Variants in TNNT2 observed in about 807,000 individuals in gnomAD.
TNNT2 encodes troponin T2, cardiac type.
A neutral mutation model predicts 62.4 loss-of-function variants in TNNT2; 34 were observed. The observed-to-expected ratio is 0.54, with a 90% CI of 0.41 to 0.72. The LOEUF (loss-of-function observed/expected upper bound fraction) is 0.72, where lower values mean the gene tolerates loss of function less well. Ranked by LOEUF, TNNT2 falls within the 30% of genes least tolerant of loss-of-function variation. TNNT2 has a pLI of 0.00. For synonymous variants in TNNT2, 123 were observed against 127.2 expected, an observed-to-expected ratio of 0.97 and a Z score of 0.22; for missense variants, 275 against 381.9, an observed-to-expected ratio of 0.72 and a Z score of 2.33.
rs557730232 is a variant in TNNT2 at position 201,365,384 on chromosome 1, C to G, written c.295-77G>C. The G allele has an allele frequency of 7.8e-5, 105 of 1,343,644 alleles. No homozygotes were observed. The South Asian group carries it at 1.2e-3, about 16-fold the overall frequency. The allele number at this position is 1,343,644 out of a possible 1,614,324, so 83.2% of individuals were successfully genotyped here. On this transcript the variant is annotated intron_variant, in intron 9 of 16. Coordinates refer to ENST00000656932, the MANE Select transcript of TNNT2 (RefSeq NM_001276345.2). ...GAGAGATGGGTGGGCTAGACACCCC[C>G]CAACGCAGTGCAAAAGACCTCTGGC...
At chr1:201,369,386 C>T (rs1452269803) in intron 5 of TNNT2, 3 of 475,038 alleles carry the variant, frequency 6.3e-6, no homozygotes, top group South Asian at 1.5e-5. Flanking sequence ...AGGACTCTGT[C>T]CCCAGACCCC....
At chr1:201,374,498 G>A (rs2102324193) in intron 1 of TNNT2, 1 of 152,354 alleles carries the variant, frequency 6.6e-6, no homozygotes, top group South Asian at 2.1e-4. Flanking sequence ...AAAGGGGAAG[G>A]CATTAGGCAA....
At chr1:201,371,421 G>T (rs531287185) in intron 4 of TNNT2, among the ~76,000 whole-genome samples, 1 of 152,284 alleles carries the variant, frequency 6.6e-6, no homozygotes, top group Admixed American at 6.5e-5. Context: ...GAGATAAGAC[G>T]TCTCAGATCA....
At chr1:201,373,328 G>C in intron 1 of TNNT2, 60 bp from the exon 2 acceptor site, 2 of 1,471,450 alleles carry the variant, frequency 1.4e-6, no homozygotes, top group Admixed American at 1.7e-5. Context: ...CCTCAGAAGA[G>C]CTCTGGCCCC....
intron 15 of TNNT2, 26 bp from the exon 16 acceptor site, chr1:201,359,689 G>A: frequency 2.5e-6 from 4 of 1,575,776 alleles, no homozygotes; most frequent in Non-Finnish European, 3.5e-6. Context: ...GAAGGACAAA[G>A]AGCAACGCTG....
At position 201,373,846 on chromosome 1, in the gene TNNT2, T is replaced by G. The variant is rs1003337338; in HGVS notation, c.-14-578A>C. 8.4e-4 allele frequency: 153 copies of G among 182,574 alleles called. 1 individual carries two copies. Among genetic ancestry groups the G allele is most frequent in the African/African-American group, 3.3e-3 (141 of 42,442 alleles). 11.3% of individuals were successfully genotyped at this position (182,574 alleles called of 1,614,324 possible). The stretch of plus-strand genomic sequence containing the variant: ...CCTCAGCCTCTCGAAGTGCTGAGAT[T>G]ACAGGCGTGAGCCACCACACCCATT... On this transcript the variant is annotated intron_variant, in intron 1 of 16. Coordinates refer to ENST00000656932, the MANE Select transcript of TNNT2 (RefSeq NM_001276345.2).
At chr1:201,359,684 A>G (rs754253675) in intron 15 of TNNT2, 21 bp from the exon 16 acceptor site, 2 of 1,578,000 alleles carry the variant, frequency 1.3e-6, no homozygotes, top group Admixed American at 3.6e-5. Context: ...AGTGGGAAGG[A>G]CAAAGAGCAA....
intron 2 of TNNT2, among the ~76,000 whole-genome samples, chr1:201,372,396 G>T (rs954856012): frequency 3.9e-5 from 6 of 152,126 alleles, no homozygotes; most frequent in African/African-American, 1.4e-4. Flanking sequence ...CAGCCAGCTT[G>T]GTCTCACCAG....
In TNNT2 at chr1:201,363,585, T is replaced by C. The variant is rs1659105064; in HGVS notation, c.490-179A>G. ...CCACAGGAGTCCACTGACTGAGAAA[T>C]GACTGCGTGATTGAATGAGGTCCTG... On this transcript the variant is annotated intron_variant, in intron 11 of 16. Coordinates refer to ENST00000656932, the MANE Select transcript of TNNT2 (RefSeq NM_001276345.2). 8.1e-6 allele frequency: 5 copies of C among 617,728 alleles called. No homozygotes were observed. The South Asian group carries it at 9.3e-5, about 11-fold the overall frequency. 38.3% of individuals were successfully genotyped at this position (617,728 alleles called of 1,614,324 possible). A position where few individuals can be genotyped will look rare whatever the true frequency, so the allele number is the denominator to read the frequency against.
At chr1:201,371,142 C>A (rs1032763063) in intron 4 of TNNT2, among the ~76,000 whole-genome samples, 4 of 152,110 alleles carry the variant, frequency 2.6e-5, no homozygotes, top group African/African-American at 7.2e-5. Context: ...TTCATAGAGA[C>A]CCTTCTCCTA....
chr1:201,367,852 A>C lies in TNNT2; in HGVS notation c.164-46T>G, dbSNP rs368171203. On this transcript the variant is annotated intron_variant, in intron 6 of 16. Coordinates refer to ENST00000656932, the MANE Select transcript of TNNT2 (RefSeq NM_001276345.2). ...CAATCAAGGTCCTTGTTCTGAGCTC[A>C]AGTCCCCCCCTCCGCCACCAGCAAG... The C allele has an allele frequency of 5.6e-6, 9 of 1,610,504 alleles. No individual in the cohort carries two copies. In the African/African-American group the frequency reaches 1.2e-4, roughly 22 times the overall value.
intron 1 of TNNT2, among the ~76,000 whole-genome samples, chr1:201,375,840 C>A (rs1043655750): frequency 6.6e-6 from 1 of 152,250 alleles, no homozygotes; most frequent in Non-Finnish European, 1.5e-5. Flanking sequence ...TTCAGAGCCA[C>A]TGGGCATGGT....
intron 10 of TNNT2, among the ~76,000 whole-genome samples, 193 bp downstream of exon 10, chr1:201,364,998 A>C (rs1006140059): frequency 1.3e-5 from 2 of 152,116 alleles, no homozygotes; most frequent in Non-Finnish European, 2.9e-5. Context: ...TGGGGAGGGA[A>C]GGCAGGGACC....
intron 16 of TNNT2, 147 bp from the exon 17 acceptor site, chr1:201,359,402 G>A: frequency 1.8e-6 from 2 of 1,117,686 alleles, no homozygotes; most frequent in South Asian, 1.3e-5. Flanking sequence ...CCTGAGGCTG[G>A]AGGGAAGCTT....
intron 1 of TNNT2, chr1:201,374,148 GT>G (rs1453479778): frequency 1.3e-5 from 2 of 152,192 alleles, no homozygotes; most frequent in African/African-American, 4.8e-5. Context: ...TCCAATCTTG[GT>G]TTTGATATAG....
At chr1:201,373,367 G>A in intron 1 of TNNT2, 99 bp from the exon 2 acceptor site, 1 of 1,032,338 alleles carries the variant, frequency 9.7e-7, no homozygotes, top group South Asian at 1.3e-5. Context: ...GAGGCCTAGG[G>A]TGAATCTAGT....
chr1:201,371,068 TC>T (rs959521382), intron 4 of TNNT2, among the ~76,000 whole-genome samples: 5 of 152,008 alleles, frequency 3.3e-5, no homozygotes, highest in Admixed American at 6.5e-5. Flanking sequence ...TGCAGGAGGG[TC>T]CCCATTTTCC....
chr1:201,366,259 GC>G (rs1259791939), intron 8 of TNNT2: 2 of 1,018,474 alleles, frequency 2.0e-6, no homozygotes, highest in African/African-American at 3.4e-5. Context: ...GTTTCAGAAG[GC>G]CCCACTGAAA....
rs529679777 is a variant in TNNT2, at chr1:201,375,637, A to G, written c.-15+1986T>C. Among the ~76,000 whole-genome samples the G allele has an allele frequency of 3.9e-5, 6 of 152,312 alleles. No individual in the cohort carries two copies. The East Asian group carries it at 5.8e-4, about 15-fold the overall frequency. On this transcript the variant is annotated intron_variant, in intron 1 of 16. Transcript: ENST00000656932. ...CCTAACCCTAGGATGGGTGGGGCTG[A>G]CAATTGTTACCCAAAGCCCCAGGGG...
Sources: allele counts gnomAD v4.1 joint callset (sites outside exome capture counted in the v4.1 genomes callset), GRCh38; gene constraint gnomAD v4.1.1; transcripts MANE v1.5; gene names NCBI Gene and HGNC (gene_info 2026-07-23, HGNC 2026-07-21).